Variants in TENM3 observed in about 807,000 individuals in gnomAD.
The protein encoded by TENM3 is teneurin transmembrane protein 3, also known as teneurin-3.
In TENM3, 63 loss-of-function variants were observed where a neutral mutation model predicts 255.1. The observed-to-expected ratio is 0.25, with a 90% confidence interval of 0.20 to 0.30. The LOEUF is 0.30. TENM3 is among the 10% of genes least tolerant of loss of function. TENM3 has a pLI of 1.00. For missense variants in TENM3, 2,929 were observed against 3,461.1 expected (o/e 0.85, Z 3.86); for synonymous variants, 1,306 against 1,322.3 (o/e 0.99, Z 0.27).
the TENM3 span, among the ~76,000 whole-genome samples, chr4:181,605,310 C>T: frequency 6.6e-6 from 1 of 151,248 alleles, no homozygotes; most frequent in Non-Finnish European, 1.5e-5. Flanking sequence ...AAAGAATTAG[C>T]CGGGTGTGCC....
At chr4:181,733,506 G>A in the TENM3 span, among the ~76,000 whole-genome samples, 1 of 152,128 alleles carries the variant, frequency 6.6e-6, no homozygotes, top group African/African-American at 2.4e-5. Flanking sequence ...CACTCTCCTC[G>A]TTTTTGCCTT....
At chr4:182,451,774 TG>T (rs1773480482) in intron 3 of TENM3, among the ~76,000 whole-genome samples, 1 of 152,068 alleles carries the variant, frequency 6.6e-6, no homozygotes, top group Non-Finnish European at 1.5e-5. Context: ...ATTCAATTAG[TG>T]GGGAAAAAAG....
At chr4:181,930,021 G>C in the TENM3 span, among the ~76,000 whole-genome samples, 1 of 152,170 alleles carries the variant, frequency 6.6e-6, no homozygotes, top group African/African-American at 2.4e-5. Flanking sequence ...CAGAGCTAAA[G>C]CAGTGTTTAG....
At chr4:182,590,564 AAAAG>A (rs1415078503) in intron 3 of TENM3, among the ~76,000 whole-genome samples, 1 of 151,206 alleles carries the variant, frequency 6.6e-6, no homozygotes, top group Non-Finnish European at 1.5e-5. Context: ...AAAAAAAAGA[AAAAG>A]AAAAAGGTGG....
intron 1 of TENM3, among the ~76,000 whole-genome samples, chr4:182,249,732 A>G (rs1215093694): frequency 6.6e-6 from 1 of 152,138 alleles, no homozygotes; most frequent in East Asian, 1.9e-4. Context: ...ATGTTTTTAT[A>G]TAAATATTCT....
At chr4:182,132,691 T>C in the TENM3 span, among the ~76,000 whole-genome samples, 2 of 152,214 alleles carry the variant, frequency 1.3e-5, no homozygotes, top group African/African-American at 2.4e-5. Flanking sequence ...GGCGTGTATA[T>C]GTGTTCTTAA....
intron 3 of TENM3, among the ~76,000 whole-genome samples, chr4:182,358,232 T>C (rs1429239779): frequency 3.5e-5 from 5 of 143,790 alleles, no homozygotes; most frequent in Non-Finnish European, 4.6e-5. Context: ...AACTTTAAAG[T>C]AGTTTTTTCC....
the TENM3 span, among the ~76,000 whole-genome samples, chr4:181,959,850 T>C: frequency 6.6e-6 from 1 of 152,170 alleles, no homozygotes; most frequent in Non-Finnish European, 1.5e-5. Context: ...ATTTAAATTG[T>C]CCATATAAAA....
the TENM3 span, among the ~76,000 whole-genome samples, chr4:181,959,555 A>G: frequency 1.4e-3 from 209 of 152,348 alleles, no homozygotes; most frequent in African/African-American, 4.8e-3. Context: ...GAGTTCCATT[A>G]AAGCAACAAA....
chr4:181,854,288 T>C, the TENM3 span, among the ~76,000 whole-genome samples: 745 of 152,288 alleles, frequency 4.9e-3, 5 homozygotes, highest in African/African-American at 0.017. Flanking sequence ...CCTAAGAGCA[T>C]TACAGCCTTG....
intron 3 of TENM3, among the ~76,000 whole-genome samples, chr4:182,548,496 G>T (rs1741679476): frequency 6.6e-6 from 1 of 152,106 alleles, no homozygotes; most frequent in Non-Finnish European, 1.5e-5. Flanking sequence ...CTCTACCTGG[G>T]GGAGGAACAC....
At chr4:181,639,833 C>A in the TENM3 span, among the ~76,000 whole-genome samples, 1 of 152,192 alleles carries the variant, frequency 6.6e-6, no homozygotes, top group Non-Finnish European at 1.5e-5. Context: ...TCCTACTTCT[C>A]GGCCAAGGAG....
At chr4:181,744,159 C>T in the TENM3 span, among the ~76,000 whole-genome samples, 1 of 152,100 alleles carries the variant, frequency 6.6e-6, no homozygotes, top group Non-Finnish European at 1.5e-5. Context: ...TGATCTTGTT[C>T]CTTTTTATGG....
chr4:182,060,121 C>T, the TENM3 span, among the ~76,000 whole-genome samples: 11 of 152,104 alleles, frequency 7.2e-5, no homozygotes, highest in South Asian at 2.1e-4. Context: ...TCTGTAGTCC[C>T]GGCTACTCAG....
At chr4:182,312,057 A>G (rs1038968707) in intron 1 of TENM3, among the ~76,000 whole-genome samples, 3 of 152,348 alleles carry the variant, frequency 2.0e-5, no homozygotes, top group African/African-American at 7.2e-5. Flanking sequence ...TAGCCACACT[A>G]CTGGTTAGTT....
At chr4:181,467,953 A>T in the TENM3 span, among the ~76,000 whole-genome samples, 4 of 152,122 alleles carry the variant, frequency 2.6e-5, no homozygotes, top group East Asian at 5.8e-4. Flanking sequence ...CAAAAACACT[A>T]CTTGGGTCAG....
chr4:182,032,001 GAC>G, the TENM3 span, among the ~76,000 whole-genome samples: 3 of 152,172 alleles, frequency 2.0e-5, no homozygotes, highest in Non-Finnish European at 4.4e-5. Context: ...TCTGCAAACA[GAC>G]ACAGTTTGAC....
chr4:182,287,716 C>G lies in TENM3; in HGVS notation c.-75-36230C>G, dbSNP rs571545923. Among the ~76,000 whole-genome samples, 7 of 151,974 alleles carry G rather than the reference C, an allele frequency of 4.6e-5. No homozygotes were observed. The East Asian group carries it at 1.4e-3, about 30-fold the overall frequency. ...GCAAGCTCCGCCTCCCAGGTTGACG[C>G]CATTCTCCTGCCTCAGCCTCCCGAG... On this transcript the variant is annotated intron_variant, in intron 1 of 27. Coordinates refer to ENST00000511685, the MANE Select transcript of TENM3 (RefSeq NM_001080477.4).
intron 7 of TENM3, among the ~76,000 whole-genome samples, chr4:182,674,660 C>T (rs552424673): frequency 6.6e-6 from 1 of 152,280 alleles, no homozygotes; most frequent in South Asian, 2.1e-4. Context: ...ACTGTAGCCT[C>T]AACCTCCTCG....
Sources: allele counts gnomAD v4.1 joint callset (sites outside exome capture counted in the v4.1 genomes callset), GRCh38; gene constraint gnomAD v4.1.1; transcripts MANE v1.5; gene names NCBI Gene and HGNC (gene_info 2026-07-23, HGNC 2026-07-21).